The following TTYH2 variants were observed in gnomAD, a reference collection of about 807,000 sequenced individuals.
TTYH2 encodes protein tweety homolog 2.
A neutral mutation model predicts 68.3 loss-of-function variants in TTYH2; 49 were observed. The observed-to-expected ratio is 0.72, with a 90% confidence interval of 0.57 to 0.91. The LOEUF (loss-of-function observed/expected upper bound fraction) is 0.91. Ranked by LOEUF, TTYH2 falls within the 40% of genes least tolerant of loss-of-function variation. The pLI, the probability that TTYH2 is intolerant of heterozygous loss-of-function variation, is 0.00. For synonymous variants in TTYH2, 272 were observed against 300.8 expected, an observed-to-expected ratio of 0.90 and a Z score of 0.99; for missense variants, 631 against 700.4, an observed-to-expected ratio of 0.90 and a Z score of 1.12.
In TTYH2 at chr17:74,217,692, C is replaced by T. The variant is rs574320653; in HGVS notation, c.129+3976C>T. 3.9e-5 allele frequency among the ~76,000 whole-genome samples: 6 copies of T among 152,276 alleles called. No homozygotes were observed. Among genetic ancestry groups the T allele is most frequent in the East Asian group, 1.9e-4 (1 of 5,174 alleles). On this transcript the variant is annotated intron_variant, in intron 1 of 13. Coordinates refer to ENST00000269346, the MANE Select transcript of TTYH2 (RefSeq NM_032646.6). The surrounding 1 kb of genome is among the most constrained non-coding windows in gnomAD (Gnocchi z 4.0). ...CCCTCTCCCAGCCTCCCCCTGAGAC[C>T]GGCACACCTCTCTCTATGTCTTCTG...
At chr17:74,236,299 A>G (rs569288148) in intron 3 of TTYH2, among the ~76,000 whole-genome samples, 1 of 152,194 alleles carries the variant, frequency 6.6e-6, no homozygotes, top group African/African-American at 2.4e-5. Flanking sequence ...AGCGTTCAGG[A>G]CCCGGTGTGC....
chr17:74,251,657 C>T (rs570273593), intron 10 of TTYH2, among the ~76,000 whole-genome samples: 1 of 83,764 alleles, frequency 1.2e-5, no homozygotes, highest in Non-Finnish European at 2.6e-5. Flanking sequence ...GTGGCCTCTT[C>T]CCACTTTCTC....
At chr17:74,244,114 C>T (rs2050531535) in intron 6 of TTYH2, 65 bp downstream of exon 6, 6 of 1,472,456 alleles carry the variant, frequency 4.1e-6, no homozygotes, top group Non-Finnish European at 5.6e-6. Context: ...TGGTGTGTCT[C>T]CAAGCAGGGC....
chr17:74,216,329 G>C (rs1021621738), intron 1 of TTYH2, among the ~76,000 whole-genome samples: 2 of 152,292 alleles, frequency 1.3e-5, no homozygotes, highest in African/African-American at 4.8e-5. Context: ...TGGGGTGTGG[G>C]GGGTGGGTGC....
rs2050473685 is a variant in TTYH2, at chr17:74,239,115, A to T, written c.635+1601A>T. Among the ~76,000 whole-genome samples, 1 of 152,170 alleles carries T rather than the reference A, an allele frequency of 6.6e-6. No homozygotes were observed. The highest frequency in any genetic ancestry group is 1.5e-5 in the Non-Finnish European group (1 of 68,036). On this transcript the variant is annotated intron_variant, in intron 4 of 13. Coordinates refer to ENST00000269346, the MANE Select transcript of TTYH2 (RefSeq NM_032646.6). The surrounding 1 kb of genome is among the most constrained non-coding windows in gnomAD (Gnocchi z 5.3). ...TCATCTGACCTCTGGGGCTTTGTTTACATCTCCCCTGCCTCCCCATTTGCC... is the reference window on the plus strand; with the variant it reads ...TCATCTGACCTCTGGGGCTTTGTTTTCATCTCCCCTGCCTCCCCATTTGCC...
intron 10 of TTYH2, chr17:74,250,579 G>A: frequency 1.9e-6 from 1 of 534,188 alleles, no homozygotes; most frequent in East Asian, 3.0e-5. Flanking sequence ...CGGGATGGGA[G>A]GGTTGGATGC....
At position 74,252,514 on chromosome 17, in the gene TTYH2, C is replaced by A. The variant is rs904799033; in HGVS notation, c.1259+138C>A. 20 of 1,125,306 alleles carry A rather than the reference C, an allele frequency of 1.8e-5. 1 individual carries two copies. Among genetic ancestry groups the A allele is most frequent in the Non-Finnish European group, 2.3e-5 (19 of 813,620 alleles). The allele number at this position is 1,125,306 out of a possible 1,614,324, so 69.7% of individuals were successfully genotyped here. ...CAGAGGGCCCGGGCATTCAGCCCAA[C>A]AGGCTGGCTGACTTCTACAGAAGCT... On this transcript the variant is annotated intron_variant, in intron 11 of 13. Coordinates refer to ENST00000269346, the MANE Select transcript of TTYH2 (RefSeq NM_032646.6).
chr17:74,249,160 G>T (rs2050592288), intron 7 of TTYH2, 80 bp downstream of exon 7: 1 of 1,599,938 alleles, frequency 6.3e-7, no homozygotes, highest in Non-Finnish European at 8.6e-7. Flanking sequence ...TTTCAGCCCT[G>T]TAGCCATCCA....
In TTYH2 at chr17:74,249,627, C is replaced by T. The variant is rs1159504483; in HGVS notation, c.930+228C>T. Among the ~76,000 whole-genome samples the T allele has an allele frequency of 2.6e-5, 4 of 152,298 alleles. No individual in the cohort carries two copies. In the East Asian group the frequency reaches 7.7e-4, roughly 29 times the overall value. On this transcript the variant is annotated intron_variant, in intron 8 of 13. Transcript: ENST00000269346. ...AGCTAGTTCCCATGCAGATGCTGTC[C>T]AGGAGCTCTGGGGTGGGGCCGAGAT...
chr17:74,229,928 C>T (rs561733453), intron 2 of TTYH2, among the ~76,000 whole-genome samples: 1 of 152,266 alleles, frequency 6.6e-6, no homozygotes, highest in Admixed American at 6.5e-5. Context: ...GTCAGGAGTT[C>T]AAGACCAGCC....
At chr17:74,252,844 G>T (rs1209591741) in intron 11 of TTYH2, among the ~76,000 whole-genome samples, 1 of 152,226 alleles carries the variant, frequency 6.6e-6, no homozygotes, top group Non-Finnish European at 1.5e-5. Flanking sequence ...AGGGTAGTGG[G>T]GACCCACATG....
At chr17:74,240,685 G>A (rs534409866) in intron 4 of TTYH2, 1 of 152,344 alleles carries the variant, frequency 6.6e-6, no homozygotes, top group South Asian at 2.1e-4. Flanking sequence ...CGAAGTATTG[G>A]AGGAGATAAA....
At position 74,237,399 on chromosome 17, in the gene TTYH2, A is replaced by C; in HGVS notation, c.520A>C (p.Ile174Leu). The C allele has an allele frequency of 6.2e-7, 1 of 1,614,158 alleles. No homozygotes were observed. Among genetic ancestry groups the C allele is most frequent in the Non-Finnish European group, 8.5e-7 (1 of 1,180,020 alleles). The change falls in exon 4 of 14, where the codon ATA (isoleucine) becomes CTA (leucine). Residue 174 changes from isoleucine (I) to leucine (L), a missense_variant. Physicochemically the swap from Ile to Leu is conservative, Grantham distance 5. Coordinates refer to ENST00000269346, the MANE Select transcript of TTYH2 (RefSeq NM_032646.6). ...CGATTACCTGCAGACCCTGAAGTTC[A>C]TACAGCAGATGGCGGGCAGCGTTGT... is the stretch of plus-strand genomic sequence containing the variant. ...RGDYLQTLKFIQQMAGSVVVQ... is the reference protein window; with the variant it reads ...RGDYLQTLKFLQQMAGSVVVQ...
In TTYH2 at chr17:74,220,211, G is replaced by A. The variant is rs997002906; in HGVS notation, c.130-2274G>A. On this transcript the variant is annotated intron_variant, in intron 1 of 13. Coordinates refer to ENST00000269346, the MANE Select transcript of TTYH2 (RefSeq NM_032646.6). Reference sequence around the variant, plus strand: ...GAGGCCTCAGGGGCTGCCAAGGGGCGGCCAGGACAGAACGTGGCATTTCTA... The same window carrying A: ...GAGGCCTCAGGGGCTGCCAAGGGGCAGCCAGGACAGAACGTGGCATTTCTA... 3.9e-5 allele frequency among the ~76,000 whole-genome samples: 6 copies of A among 152,156 alleles called. 1 individual carries two copies. Among genetic ancestry groups the A allele is most frequent in the African/African-American group, 1.2e-4 (5 of 41,424 alleles).
At chr17:74,238,720 A>G (rs868438636) in intron 4 of TTYH2, among the ~76,000 whole-genome samples, 11 of 152,042 alleles carry the variant, frequency 7.2e-5, no homozygotes, top group African/African-American at 2.7e-4. Flanking sequence ...ATACAAAATT[A>G]GCTGGGCGTG....
rs550184099 is a variant in TTYH2 at position 74,237,188 on chromosome 17, A to G, written c.415-106A>G. 5.0e-5 allele frequency: 56 copies of G among 1,113,716 alleles called. No homozygotes were observed. The African/African-American group carries it at 8.4e-4, about 17-fold the overall frequency. The allele number at this position is 1,113,716 out of a possible 1,614,324, so 69.0% of individuals were successfully genotyped here. A position where few individuals can be genotyped will look rare whatever the true frequency, so the allele number is the denominator to read the frequency against. On this transcript the variant is annotated intron_variant, in intron 3 of 13. Coordinates refer to ENST00000269346, the MANE Select transcript of TTYH2 (RefSeq NM_032646.6). ...GTGCTGGGATGACAGGCATGAGCGT[A>G]ATTATCGCACCTGGCCAGGCCACCT...
intron 13 of TTYH2, among the ~76,000 whole-genome samples, chr17:74,257,250 C>A (rs146705215): frequency 7.3e-4 from 111 of 152,278 alleles, no homozygotes; most frequent in African/African-American, 2.7e-3. Flanking sequence ...GACAGAAAAC[C>A]CTTCCTCCCT....
Position 74,243,380 on chromosome 17 carries a change from C to T in TTYH2, c.642C>T (p.Leu214=), listed in dbSNP as rs753069240. The change falls in exon 5 of 14, where the codon CTC becomes CTT. Residue 214 remains leucine, a synonymous_variant. Coordinates refer to ENST00000269346, the MANE Select transcript of TTYH2 (RefSeq NM_032646.6). ...TCCCTGCCCCTCTACCCAGGTGGCT[C>T]TCCTACCTCCTGCTCTTTATCCTGG... ...QTGYVEYYRW[L]SYLLLFILDL... The T allele has an allele frequency of 1.9e-6, 3 of 1,614,062 alleles. No homozygotes were observed. Among genetic ancestry groups the T allele is most frequent in the African/African-American group, 1.3e-5 (1 of 74,940 alleles).
rs1567819527 is a variant in TTYH2, at chr17:74,249,239, T to C, written c.875-105T>C. On this transcript the variant is annotated intron_variant, in intron 7 of 13. Coordinates refer to ENST00000269346, the MANE Select transcript of TTYH2 (RefSeq NM_032646.6). ...GCCATTTCCTAGAAAGTGCCTCCCTTGGGAGCTCAGGGACGGGGAGGGAGG... is the reference window on the plus strand; with the variant it reads ...GCCATTTCCTAGAAAGTGCCTCCCTCGGGAGCTCAGGGACGGGGAGGGAGG... 4 of 1,565,290 alleles carry C rather than the reference T, an allele frequency of 2.6e-6. No individual in the cohort carries two copies. In the South Asian group the frequency reaches 4.5e-5, roughly 17 times the overall value.
Sources: gnomAD v4.1 joint callset for allele counts (sites outside exome capture counted in the v4.1 genomes callset) on GRCh38, gnomAD v4.1.1 for gene constraint, Gnocchi (gnomAD v3.1) non-coding constraint, MANE v1.5 for transcripts, NCBI Gene and HGNC (gene_info 2026-07-23, HGNC 2026-07-21) for gene names.